CDH20: variants seen among roughly 807,000 people sequenced by gnomAD.
The protein encoded by CDH20 is cadherin-20.
Under a neutral mutation model 74.2 loss-of-function variants are expected in CDH20, and 29 were observed. The observed-to-expected ratio is 0.39, with a 90% CI of 0.29 to 0.53. The LOEUF (loss-of-function observed/expected upper bound fraction) is 0.53. Ranked by LOEUF, CDH20 falls within the 20% of genes least tolerant of loss-of-function variation. The pLI is 0.69. For missense variants in CDH20, 988 were observed against 1,048.3 expected, an observed-to-expected ratio of 0.94 and a Z score of 0.79; for synonymous variants, 469 against 405.4, an observed-to-expected ratio of 1.16 and a Z score of -1.88.
At chr18:61,404,175 A>G (rs1246553998) in intron 1 of CDH20, among the ~76,000 whole-genome samples, 3 of 152,230 alleles carry the variant, frequency 2.0e-5, no homozygotes, top group East Asian at 3.9e-4. Flanking sequence ...ACCTTTACCT[A>G]TGTAACAAAC....
intron 1 of CDH20, among the ~76,000 whole-genome samples, chr18:61,434,369 G>T (rs1908758887): frequency 1.3e-5 from 2 of 152,156 alleles, no homozygotes; most frequent in Non-Finnish European, 2.9e-5. Flanking sequence ...TACAGGTTAT[G>T]TGGTGACAAA....
chr18:61,436,907 G>A (rs1266990422), intron 1 of CDH20, among the ~76,000 whole-genome samples: 1 of 152,110 alleles, frequency 6.6e-6, no homozygotes, highest in Non-Finnish European at 1.5e-5. Flanking sequence ...GTGAATTAGG[G>A]ACACAGAATT....
chr18:61,515,404 A>C (rs1229274894), intron 6 of CDH20, among the ~76,000 whole-genome samples: 1 of 151,708 alleles, frequency 6.6e-6, no homozygotes, highest in Admixed American at 6.6e-5. Flanking sequence ...ACTGTCTGGC[A>C]CTCCCTAGCG....
intron 6 of CDH20, among the ~76,000 whole-genome samples, chr18:61,512,492 T>C (rs1342240718): frequency 6.6e-6 from 1 of 152,202 alleles, no homozygotes; most frequent in Non-Finnish European, 1.5e-5. Context: ...CCAATTTAAA[T>C]AATACAATAC....
At chr18:61,515,938 A>T (rs1385297047) in intron 6 of CDH20, among the ~76,000 whole-genome samples, 1 of 7,084 alleles carries the variant, frequency 1.4e-4, no homozygotes, top group Non-Finnish European at 7.1e-4. Context: ...TAATAATTTT[A>T]AAAAAAAGAC....
At chr18:61,382,027 A>G (rs972332561) in intron 1 of CDH20, among the ~76,000 whole-genome samples, 1 of 152,084 alleles carries the variant, frequency 6.6e-6, no homozygotes, top group Non-Finnish European at 1.5e-5. Context: ...TCTTGGCTCT[A>G]TCTCTTGCTC....
At chr18:61,365,178 C>T (rs1447318421) in intron 1 of CDH20, among the ~76,000 whole-genome samples, 1 of 152,194 alleles carries the variant, frequency 6.6e-6, no homozygotes, top group South Asian at 2.1e-4. Context: ...GTGATCAATA[C>T]CCTTCATAGA....
chr18:61,515,242 G>T (rs1376091597), intron 6 of CDH20, among the ~76,000 whole-genome samples: 1 of 152,072 alleles, frequency 6.6e-6, no homozygotes, highest in East Asian at 1.9e-4. Flanking sequence ...CGCAATATTC[G>T]GGTAGGAGTG....
intron 1 of CDH20, among the ~76,000 whole-genome samples, chr18:61,487,463 A>G (rs535419321): frequency 6.6e-6 from 1 of 152,234 alleles, no homozygotes; most frequent in Non-Finnish European, 1.5e-5. Flanking sequence ...TCCCTAAGGA[A>G]GTAGAAATAA....
chr18:61,424,648 G>A (rs1313095029), intron 1 of CDH20, among the ~76,000 whole-genome samples: 1 of 152,164 alleles, frequency 6.6e-6, no homozygotes, highest in East Asian at 1.9e-4. Flanking sequence ...AATGTAGTAT[G>A]GGAAAAAACA....
intron 1 of CDH20, among the ~76,000 whole-genome samples, chr18:61,368,688 A>C (rs1015628594): frequency 3.3e-5 from 5 of 152,032 alleles, no homozygotes; most frequent in Non-Finnish European, 5.9e-5. Flanking sequence ...ATTAGTAACC[A>C]ATTGCATCAA....
At chr18:61,432,794 C>T (rs1459430146) in intron 1 of CDH20, among the ~76,000 whole-genome samples, 1 of 152,164 alleles carries the variant, frequency 6.6e-6, no homozygotes, top group Admixed American at 6.6e-5. Flanking sequence ...TCCTTTCTTA[C>T]TTTCTTTTTA....
intron 1 of CDH20, among the ~76,000 whole-genome samples, chr18:61,471,345 T>C (rs1171009169): frequency 6.6e-6 from 1 of 152,206 alleles, no homozygotes; most frequent in Non-Finnish European, 1.5e-5. Context: ...AGGAAAACAG[T>C]TGACAAGAGA....
intron 1 of CDH20, among the ~76,000 whole-genome samples, chr18:61,464,317 A>G (rs1909888798): frequency 6.9e-6 from 1 of 145,474 alleles, no homozygotes; most frequent in African/African-American, 2.5e-5. Context: ...CAAGGTGTTA[A>G]AAAAAAAAAA....
rs1910394251 is a variant in CDH20 at position 61,353,804 on chromosome 18, A to G, written c.-153+19977A>G. ...TAAAAAAAATCTTTCAGTTCCAGCCAGTCATGGTGGCTCATGCCTGTAATC... is the reference window on the plus strand; with the variant it reads ...TAAAAAAAATCTTTCAGTTCCAGCCGGTCATGGTGGCTCATGCCTGTAATC... On this transcript the variant is annotated intron_variant, in intron 1 of 11. Transcript: ENST00000262717. This position sits in a 1 kb window ranked among gnomAD's most constrained non-coding sequence, Gnocchi z 4.6. Among the ~76,000 whole-genome samples the G allele has an allele frequency of 6.6e-6, 1 of 152,152 alleles. No individual in the cohort carries two copies. Among genetic ancestry groups the G allele is most frequent in the Admixed American group, 6.6e-5 (1 of 15,266 alleles).
In CDH20 at chr18:61,490,874, C is replaced by G. The variant is rs534953362; in HGVS notation, c.246+75C>G. ...ATATGAATTGAGTATCAAAGTTGACCTAGCCTTTATCTGAGACCTGAGAAA... is the reference window on the plus strand; with the variant it reads ...ATATGAATTGAGTATCAAAGTTGACGTAGCCTTTATCTGAGACCTGAGAAA... On this transcript the variant is annotated intron_variant, in intron 2 of 11. Transcript: ENST00000262717. 83 of 1,515,570 alleles carry G rather than the reference C, an allele frequency of 5.5e-5. No individual in the cohort carries two copies. The South Asian group carries it at 9.3e-4, about 17-fold the overall frequency. 93.9% of individuals were successfully genotyped at this position (1,515,570 alleles called of 1,614,324 possible).
chr18:61,476,639 G>C (rs1910399872), intron 1 of CDH20, among the ~76,000 whole-genome samples: 1 of 152,108 alleles, frequency 6.6e-6, no homozygotes, highest in Non-Finnish European at 1.5e-5. Flanking sequence ...TACAACTGTG[G>C]CCCTTAATTC....
intron 1 of CDH20, among the ~76,000 whole-genome samples, chr18:61,448,552 T>C (rs1909275562): frequency 1.3e-5 from 2 of 152,222 alleles, no homozygotes; most frequent in African/African-American, 4.8e-5. Flanking sequence ...AACTAGTTGT[T>C]ATTTATTTAA....
chr18:61,420,649 A>C (rs1228369199), intron 1 of CDH20, among the ~76,000 whole-genome samples: 1 of 152,180 alleles, frequency 6.6e-6, no homozygotes, highest in Non-Finnish European at 1.5e-5. Flanking sequence ...CTGCAGTGGT[A>C]CACAGGACAG....
Sources: gnomAD v4.1 joint callset for allele counts (sites outside exome capture counted in the v4.1 genomes callset) on GRCh38, gnomAD v4.1.1 for gene constraint, Gnocchi (gnomAD v3.1) non-coding constraint, MANE v1.5 for transcripts, NCBI Gene and HGNC (gene_info 2026-07-23, HGNC 2026-07-21) for gene names.